COX7B2: variants seen among roughly 807,000 people sequenced by gnomAD.
COX7B2 encodes the protein cytochrome c oxidase subunit 7B2.
For synonymous variants in COX7B2, 37 were observed against 32.1 expected, an observed-to-expected ratio of 1.15 and a Z score of -0.51; for missense variants, 109 against 95.9, an observed-to-expected ratio of 1.14 and a Z score of -0.57.
At chr4:46,777,674 T>C (rs1717232291) in intron 2 of COX7B2, among the ~76,000 whole-genome samples, 1 of 152,128 alleles carries the variant, frequency 6.6e-6, no homozygotes. Context: ...AGCAAGTAGA[T>C]AGCTTCAGTT....
intron 1 of COX7B2, among the ~76,000 whole-genome samples, chr4:46,850,800 T>C (rs1370971121): frequency 6.6e-6 from 1 of 152,106 alleles, no homozygotes; most frequent in African/African-American, 2.4e-5. Context: ...CCCTGTTTAG[T>C]GCAATCATTA....
chr4:46,789,856 T>C (rs180849561), intron 2 of COX7B2, among the ~76,000 whole-genome samples: 25 of 152,294 alleles, frequency 1.6e-4, no homozygotes, highest in Admixed American at 1.3e-3. Context: ...TACTAGCATT[T>C]TGAAAGTTCA....
chr4:46,870,851 CG>C (rs1717947886), intron 1 of COX7B2, among the ~76,000 whole-genome samples: 1 of 151,742 alleles, frequency 6.6e-6, no homozygotes, highest in Admixed American at 6.6e-5. Flanking sequence ...CACAGACAAA[CG>C]GAAAAACACT....
rs201860493 is a variant in COX7B2, at chr4:46,745,567, T to G, written c.-49-10326A>C. On this transcript the variant is annotated intron_variant, in intron 2 of 2. Coordinates refer to ENST00000355591, the MANE Select transcript of COX7B2 (RefSeq NM_130902.3). ...ATCCTTTTTTCCCCCTTGGATTCAT[T>G]ATTTGTAAGTGAGAAAAACTGGCCA... is the stretch of plus-strand genomic sequence containing the variant. Among the ~76,000 whole-genome samples the G allele has an allele frequency of 2.6e-5, 4 of 152,224 alleles. No individual in the cohort carries two copies. The East Asian group carries it at 7.7e-4, about 29-fold the overall frequency.
chr4:46,791,192 G>A (rs1718027108), intron 2 of COX7B2, among the ~76,000 whole-genome samples: 1 of 146,228 alleles, frequency 6.8e-6, no homozygotes, highest in Non-Finnish European at 1.5e-5. Flanking sequence ...TTTTTTTTTA[G>A]TAGAGAGGGA....
At chr4:46,863,227 A>C (rs1717440939) in intron 1 of COX7B2, among the ~76,000 whole-genome samples, 1 of 152,148 alleles carries the variant, frequency 6.6e-6, no homozygotes, top group Non-Finnish European at 1.5e-5. Flanking sequence ...AAAGTTATAG[A>C]TATACATATG....
intron 2 of COX7B2, among the ~76,000 whole-genome samples, chr4:46,834,611 G>A (rs1180797189): frequency 6.6e-6 from 1 of 152,064 alleles, no homozygotes; most frequent in Non-Finnish European, 1.5e-5. Context: ...TTCTTTGGAA[G>A]CATTTTACTA....
At chr4:46,802,392 T>A (rs990424838) in intron 2 of COX7B2, among the ~76,000 whole-genome samples, 2 of 152,182 alleles carry the variant, frequency 1.3e-5, no homozygotes, top group Non-Finnish European at 2.9e-5. Context: ...AGAACTTGCT[T>A]ATTTAGCTAG....
intron 2 of COX7B2, among the ~76,000 whole-genome samples, chr4:46,748,811 G>T (rs1715177155): frequency 6.6e-6 from 1 of 151,944 alleles, no homozygotes; most frequent in African/African-American, 2.4e-5. Context: ...GTTCTTCAGG[G>T]TTCACTCATA....
In COX7B2 at chr4:46,743,230, A is replaced by T. The variant is rs76218857; in HGVS notation, c.-49-7989T>A. On this transcript the variant is annotated intron_variant, in intron 2 of 2. Coordinates refer to ENST00000355591, the MANE Select transcript of COX7B2 (RefSeq NM_130902.3). ...TATTTTGACATTACAGTACCTTTCA[A>T]ATATGTACAGTTCACCAGCTAAGGT... 1.0e-3 allele frequency among the ~76,000 whole-genome samples: 158 copies of T among 152,300 alleles called. 1 individual carries two copies. The highest frequency in any genetic ancestry group is 6.8e-3 in the Middle Eastern group (2 of 294).
chr4:46,761,371 G>A (rs2109473549), intron 2 of COX7B2, among the ~76,000 whole-genome samples: 1 of 152,246 alleles, frequency 6.6e-6, no homozygotes, highest in East Asian at 1.9e-4. Context: ...AGCTGGCACA[G>A]CTTAGAGAGG....
chr4:46,848,897 T>C (rs559156284), intron 1 of COX7B2, among the ~76,000 whole-genome samples: 8 of 152,176 alleles, frequency 5.3e-5, no homozygotes, highest in African/African-American at 1.9e-4. Flanking sequence ...TATAAAATGG[T>C]GTCATATTTG....
chr4:46,802,558 T>C (rs1718712904), intron 2 of COX7B2, among the ~76,000 whole-genome samples: 1 of 152,092 alleles, frequency 6.6e-6, no homozygotes, highest in Non-Finnish European at 1.5e-5. Flanking sequence ...GAAAATCACC[T>C]TCCAGAAACA....
At chr4:46,825,377 C>T (rs1466191813) in intron 2 of COX7B2, among the ~76,000 whole-genome samples, 2 of 151,860 alleles carry the variant, frequency 1.3e-5, no homozygotes, top group Non-Finnish European at 2.9e-5. Flanking sequence ...TCAACTAAAT[C>T]ATAAAAGACT....
intron 2 of COX7B2, among the ~76,000 whole-genome samples, chr4:46,791,020 G>A (rs999516348): frequency 6.6e-6 from 1 of 152,086 alleles, no homozygotes; most frequent in African/African-American, 2.4e-5. Context: ...GTCTGTTTGA[G>A]ACACAATCTT....
At chr4:46,861,737 A>G (rs1717345631) in intron 1 of COX7B2, among the ~76,000 whole-genome samples, 1 of 152,148 alleles carries the variant, frequency 6.6e-6, no homozygotes, top group African/African-American at 2.4e-5. Flanking sequence ...GTGGTTGTAG[A>G]ATGTTTCTGG....
chr4:46,779,474 TGAACATG>T (rs1355503573), intron 2 of COX7B2, among the ~76,000 whole-genome samples: 1 of 152,228 alleles, frequency 6.6e-6, no homozygotes, highest in Non-Finnish European at 1.5e-5. Context: ...AATGCTGTGA[TGAACATG>T]GAGGTGCAGA....
At chr4:46,797,922 C>G (rs1461031043) in intron 2 of COX7B2, among the ~76,000 whole-genome samples, 1 of 152,182 alleles carries the variant, frequency 6.6e-6, no homozygotes, top group Non-Finnish European at 1.5e-5. Context: ...CTGTTTTCAG[C>G]TGGCAAGGCA....
At chr4:46,883,620 C>A (rs1718887063) in intron 1 of COX7B2, among the ~76,000 whole-genome samples, 1 of 152,004 alleles carries the variant, frequency 6.6e-6, no homozygotes, top group African/African-American at 2.4e-5. Context: ...TGCCTGTTGT[C>A]CCAGCTACTC....
Sources: allele counts gnomAD v4.1 joint callset (sites outside exome capture counted in the v4.1 genomes callset), GRCh38; gene constraint gnomAD v4.1.1; transcripts MANE v1.5; gene names NCBI Gene and HGNC (gene_info 2026-07-23, HGNC 2026-07-21).